The following ALK variants were observed in gnomAD, a reference collection of about 807,000 sequenced individuals.
ALK encodes the protein ALK tyrosine kinase receptor.
A neutral mutation model predicts 163.1 loss-of-function variants in ALK; 74 were observed. The ratio of observed to expected loss-of-function variants is 0.45; its 90% confidence interval spans 0.38 to 0.55. The LOEUF is 0.55. Among genes scored for constraint, ALK ranks in the 20% least tolerant of loss-of-function variants. The pLI, the probability that ALK is intolerant of heterozygous loss-of-function variation, is 0.00. For synonymous variants in ALK, 960 were observed against 843.2 expected, an observed-to-expected ratio of 1.14 and a Z score of -2.40; for missense variants, 2,063 against 2,105.3, an observed-to-expected ratio of 0.98 and a Z score of 0.39.
intron 2 of ALK, among the ~76,000 whole-genome samples, chr2:29,700,309 G>C (rs1405433097): frequency 6.6e-6 from 1 of 152,184 alleles, no homozygotes; most frequent in African/African-American, 2.4e-5. Flanking sequence ...ACTTTGGGAG[G>C]CCCGGTGGGT....
intron 4 of ALK, among the ~76,000 whole-genome samples, chr2:29,527,259 T>C (rs1672981977): frequency 6.6e-6 from 1 of 152,190 alleles, no homozygotes; most frequent in Admixed American, 6.5e-5. Flanking sequence ...CATTTCCTAT[T>C]AGGATTGCTA....
chr2:29,649,342 C>T (rs1337381507), intron 3 of ALK, among the ~76,000 whole-genome samples: 1 of 151,916 alleles, frequency 6.6e-6, no homozygotes, highest in African/African-American at 2.4e-5. Flanking sequence ...TCACCACCGA[C>T]CTTTGTTTTA....
At chr2:29,856,069 T>C (rs1029138077) in intron 1 of ALK, among the ~76,000 whole-genome samples, 9 of 152,182 alleles carry the variant, frequency 5.9e-5, no homozygotes, top group African/African-American at 2.2e-4. Context: ...TTAAGAAAGA[T>C]GTGAGGTGAC....
chr2:29,561,677 G>A (rs1296425021), intron 3 of ALK, among the ~76,000 whole-genome samples: 2 of 152,196 alleles, frequency 1.3e-5, no homozygotes, highest in East Asian at 1.9e-4. Flanking sequence ...GAGGATCTAA[G>A]CTTAAATGCT....
At chr2:29,259,196 C>T (rs1256266953) in intron 11 of ALK, among the ~76,000 whole-genome samples, 1 of 152,144 alleles carries the variant, frequency 6.6e-6, no homozygotes, top group Non-Finnish European at 1.5e-5. Context: ...CCTCTCCTTA[C>T]ACACAGTATT....
At chr2:29,296,804 G>T in intron 9 of ALK, 84 bp downstream of exon 9, 1 of 1,578,676 alleles carries the variant, frequency 6.3e-7, no homozygotes, top group Non-Finnish European at 8.7e-7. Flanking sequence ...TTGGGTAAAA[G>T]GCACGGGGAA....
At chr2:29,502,416 T>A (rs1290085539) in intron 4 of ALK, among the ~76,000 whole-genome samples, 1 of 152,200 alleles carries the variant, frequency 6.6e-6, no homozygotes. Context: ...GAAATCCTTC[T>A]CTTGAAGTTT....
intron 3 of ALK, among the ~76,000 whole-genome samples, chr2:29,618,106 G>T (rs530589650): frequency 1.3e-5 from 2 of 152,206 alleles, no homozygotes; most frequent in African/African-American, 4.8e-5. Context: ...ACCTTTAGAA[G>T]CTGCTCTTAG....
In ALK at chr2:29,877,148, A is replaced by C. The variant is rs193019581; in HGVS notation, c.667+42845T>G. 1.3e-3 allele frequency among the ~76,000 whole-genome samples: 198 copies of C among 152,388 alleles called. 6 individuals carry two copies. The highest frequency in any genetic ancestry group is 0.013 in the Admixed American group (196 of 15,308). On this transcript the variant is annotated intron_variant, in intron 1 of 28. Transcript: ENST00000389048. ...TTGTGGTATCACATTTGCATATCAA[A>C]AATAAACATAAATATATAACTTCTT...
At chr2:29,305,504 T>C (rs1190361542) in intron 8 of ALK, among the ~76,000 whole-genome samples, 1 of 152,196 alleles carries the variant, frequency 6.6e-6, no homozygotes, top group Non-Finnish European at 1.5e-5. Context: ...TGTATGTGGT[T>C]CCTAGAGCAG....
At chr2:29,854,644 C>A (rs1354981606) in intron 1 of ALK, among the ~76,000 whole-genome samples, 2 of 152,196 alleles carry the variant, frequency 1.3e-5, no homozygotes, top group Non-Finnish European at 2.9e-5. Flanking sequence ...AGTTCATCAT[C>A]CACTGTTGGA....
At chr2:29,701,618 G>A (rs1000447389) in intron 2 of ALK, among the ~76,000 whole-genome samples, 4 of 152,136 alleles carry the variant, frequency 2.6e-5, no homozygotes, top group Non-Finnish European at 2.9e-5. Flanking sequence ...TCCTGGCAAC[G>A]CATGCTGTAG....
intron 1 of ALK, among the ~76,000 whole-genome samples, chr2:29,808,931 G>A (rs1664683452): frequency 6.6e-6 from 1 of 152,150 alleles, no homozygotes; most frequent in South Asian, 2.1e-4. Flanking sequence ...TCCTATGACA[G>A]GCCTACATGA....
In ALK at chr2:29,903,525, T is replaced by C. The variant is rs532573511; in HGVS notation, c.667+16468A>G. Among the ~76,000 whole-genome samples, 21 of 152,236 alleles carry C rather than the reference T, an allele frequency of 1.4e-4. No homozygotes were observed. The South Asian group carries it at 4.4e-3, about 32-fold the overall frequency. On this transcript the variant is annotated intron_variant, in intron 1 of 28. Transcript: ENST00000389048. ...AATAAGGAAGAGAAAATAGTTTTTA[T>C]GTATGTATGTAAGTAGGTAGATATT...
intron 9 of ALK, among the ~76,000 whole-genome samples, chr2:29,282,678 G>T (rs1665745068): frequency 6.6e-6 from 1 of 152,194 alleles, no homozygotes. Flanking sequence ...GGGCTTTCAA[G>T]GGCCATAGAG....
intron 4 of ALK, among the ~76,000 whole-genome samples, chr2:29,530,658 G>A (rs1214036362): frequency 6.6e-6 from 1 of 152,214 alleles, no homozygotes; most frequent in Non-Finnish European, 1.5e-5. Flanking sequence ...TCCCATCCAG[G>A]CTTCTTACTG....
In ALK at chr2:29,919,999, C is replaced by G. The variant is rs199584443; in HGVS notation, c.661G>C (p.Gly221Arg). The G allele has an allele frequency of 1.3e-4, 206 of 1,613,720 alleles. No individual in the cohort carries two copies. The highest frequency in any genetic ancestry group is 4.8e-4 in the South Asian group (44 of 91,066). ...TCAGGCGGGAGCTGCTCACCAGTCC[C>G]GAAGATCTGGAAGAGAAGGCGGGGC... The part of the protein sequence containing the change: ...SQPRLLFQIF[G>R]TGHSSLESPT... The change falls in exon 1 of 29, where the codon GGG becomes CGG. Residue 221 changes from glycine to arginine, a missense_variant. By Grantham distance (125) the Gly-to-Arg change is moderately radical (BLOSUM62 -2). This residue lies in a region of ALK where 987 missense variants were observed against 939.5 expected (regional missense o/e 1.05). Transcript: ENST00000389048.
chr2:29,489,403 A>G (rs913588568), intron 4 of ALK, among the ~76,000 whole-genome samples: 2 of 152,090 alleles, frequency 1.3e-5, no homozygotes, highest in Non-Finnish European at 2.9e-5. Flanking sequence ...GGGCTCAAGC[A>G]ATCTGCCCAC....
At chr2:29,474,744 T>C (rs960138658) in intron 4 of ALK, among the ~76,000 whole-genome samples, 3 of 152,232 alleles carry the variant, frequency 2.0e-5, no homozygotes, top group African/African-American at 7.2e-5. Context: ...TATTCGTGAA[T>C]TAATTTTTTA....
Sources: gnomAD v4.1 joint callset for allele counts (sites outside exome capture counted in the v4.1 genomes callset) on GRCh38, gnomAD v4.1.1 for gene constraint, gnomAD v4.1.1 regional missense constraint, MANE v1.5 for transcripts, NCBI Gene and HGNC (gene_info 2026-07-23, HGNC 2026-07-21) for gene names.